The following UNC5D variants were observed in gnomAD, a reference collection of about 807,000 sequenced individuals.
UNC5D encodes the protein unc-5 netrin receptor D.
Under a neutral mutation model 105.4 loss-of-function variants are expected in UNC5D, and 39 were observed. That is an observed-to-expected ratio of 0.37 (90% CI 0.29 to 0.48). The LOEUF is 0.48. UNC5D is among the 20% of genes least tolerant of loss of function. The pLI, the probability that UNC5D is intolerant of heterozygous loss-of-function variation, is 0.98. For synonymous variants in UNC5D, 452 were observed against 450.4 expected, an observed-to-expected ratio of 1.00 and a Z score of -0.04; for missense variants, 991 against 1,202.4, an observed-to-expected ratio of 0.82 and a Z score of 2.60.
rs192331175 is a variant in UNC5D at position 35,437,579 on chromosome 8, A to G, written c.104-111713A>G. Reference sequence around the variant, plus strand: ...CAACCAACATTTATATACATGAATGATATTTTATTGGCTTCCTATAAAATC... The same window carrying G: ...CAACCAACATTTATATACATGAATGGTATTTTATTGGCTTCCTATAAAATC... On this transcript the variant is annotated intron_variant, in intron 1 of 16. Transcript: ENST00000404895. Among the ~76,000 whole-genome samples the G allele has an allele frequency of 1.1e-4, 17 of 152,204 alleles. 1 individual carries two copies. The East Asian group carries it at 1.9e-3, about 17-fold the overall frequency.
chr8:35,404,610 C>T (rs758295300), intron 1 of UNC5D, among the ~76,000 whole-genome samples: 75 of 151,902 alleles, frequency 4.9e-4, no homozygotes, highest in East Asian at 9.7e-4. Context: ...TTTCTTGAGA[C>T]GGAGTCTCGC....
chr8:35,323,566 G>T (rs1170218750), intron 1 of UNC5D, among the ~76,000 whole-genome samples: 2 of 151,998 alleles, frequency 1.3e-5, no homozygotes, highest in East Asian at 3.9e-4. Flanking sequence ...ATTGTGATAG[G>T]CAATAGAAAT....
intron 1 of UNC5D, among the ~76,000 whole-genome samples, chr8:35,379,716 A>G (rs1429017223): frequency 6.6e-6 from 1 of 152,072 alleles, no homozygotes; most frequent in Non-Finnish European, 1.5e-5. Flanking sequence ...CTGTGACTTA[A>G]TGAGGGGAAA....
intron 1 of UNC5D, among the ~76,000 whole-genome samples, chr8:35,306,500 AAG>A (rs943179554): frequency 8.9e-4 from 135 of 152,240 alleles, no homozygotes; most frequent in African/African-American, 3.1e-3. Context: ...TTTACAGAAA[AAG>A]AGAGTGAACA....
At chr8:35,424,290 G>T (rs1554527842) in intron 1 of UNC5D, among the ~76,000 whole-genome samples, 1 of 152,116 alleles carries the variant, frequency 6.6e-6, no homozygotes, top group Non-Finnish European at 1.5e-5. Context: ...AGGAATGAGA[G>T]AAATTAATTT....
intron 1 of UNC5D, among the ~76,000 whole-genome samples, chr8:35,269,724 T>C (rs1805144566): frequency 6.6e-6 from 1 of 152,190 alleles, no homozygotes; most frequent in Admixed American, 6.5e-5. Flanking sequence ...GGGTATGAGA[T>C]GCTGTCATCA....
intron 2 of UNC5D, among the ~76,000 whole-genome samples, chr8:35,551,502 A>G (rs1816136168): frequency 6.6e-6 from 1 of 152,126 alleles, no homozygotes; most frequent in South Asian, 2.1e-4. Flanking sequence ...AGACAGGGAT[A>G]GGAGTATCAG....
chr8:35,692,696 G>A (rs1304384554), intron 7 of UNC5D, among the ~76,000 whole-genome samples: 2 of 152,292 alleles, frequency 1.3e-5, no homozygotes, highest in Admixed American at 1.3e-4. Context: ...TGATAGCGTA[G>A]TTAAACTCTC....
chr8:35,500,723 G>T (rs893414794), intron 1 of UNC5D, among the ~76,000 whole-genome samples: 2 of 152,160 alleles, frequency 1.3e-5, no homozygotes, highest in African/African-American at 4.8e-5. Context: ...TTAGCACAGA[G>T]CCTTGTATAT....
At chr8:35,593,167 A>AG (rs1453175771) in intron 3 of UNC5D, among the ~76,000 whole-genome samples, 1 of 152,076 alleles carries the variant, frequency 6.6e-6, no homozygotes, top group Admixed American at 6.6e-5. Flanking sequence ...TGGAATGGGG[A>AG]GAAAAAAAAT....
At chr8:35,271,608 ATATAT>A in intron 1 of UNC5D, among the ~76,000 whole-genome samples, 1 of 145,592 alleles carries the variant, frequency 6.9e-6, no homozygotes, top group East Asian at 2.1e-4. Context: ...TACATGTATT[ATATAT>A]TATATTACAT....
chr8:35,683,558 GA>G lies in UNC5D; in HGVS notation c.587del (p.Asn196MetfsTer21). ...CTTTCTTCCTGTAGGTGGAATGGCT[GA>G]AAAATGAAGAGCCCATTGACTCTGA... ...GVPAAEVEWL[K>X]NEEPIDSEQD... is the part of the protein sequence containing the mutation. On this transcript the variant is annotated frameshift_variant, in exon 5 of 17. Coordinates refer to ENST00000404895, the MANE Select transcript of UNC5D (RefSeq NM_080872.4). LOFTEE classifies it high-confidence loss of function. 1.9e-6 allele frequency: 3 copies of G among 1,556,726 alleles called. No homozygotes were observed. The highest frequency in any genetic ancestry group is 2.2e-5 in the Admixed American group (1 of 45,918).
intron 14 of UNC5D, among the ~76,000 whole-genome samples, chr8:35,763,234 G>A (rs1031841454): frequency 3.9e-5 from 6 of 152,096 alleles, no homozygotes; most frequent in Non-Finnish European, 7.4e-5. Flanking sequence ...TTTTTAAAAT[G>A]TTTGGATTGT....
At chr8:35,326,911 T>C (rs1162524002) in intron 1 of UNC5D, among the ~76,000 whole-genome samples, 1 of 152,092 alleles carries the variant, frequency 6.6e-6, no homozygotes, top group South Asian at 2.1e-4. Context: ...CATATGTGTA[T>C]TGGATACAAA....
intron 16 of UNC5D, among the ~76,000 whole-genome samples, chr8:35,776,900 C>CAA (rs1802272318): frequency 1.3e-5 from 2 of 152,070 alleles, no homozygotes; most frequent in African/African-American, 4.8e-5. Context: ...CTTGAGGCCA[C>CAA]AAGTTCGAGG....
chr8:35,743,490 C>T (rs1213154231), intron 11 of UNC5D, among the ~76,000 whole-genome samples: 2 of 151,788 alleles, frequency 1.3e-5, no homozygotes, highest in East Asian at 3.9e-4. Context: ...GTTGGCCAGG[C>T]TGGTCTTGAA....
intron 1 of UNC5D, among the ~76,000 whole-genome samples, chr8:35,466,897 G>A (rs1209462063): frequency 4.6e-5 from 7 of 152,138 alleles, no homozygotes; most frequent in Non-Finnish European, 4.4e-5. Context: ...GTTGTATTAC[G>A]TAGCATATTT....
At chr8:35,650,893 A>T (rs1355259673) in intron 4 of UNC5D, among the ~76,000 whole-genome samples, 2 of 152,184 alleles carry the variant, frequency 1.3e-5, no homozygotes, top group South Asian at 2.1e-4. Flanking sequence ...TGAGAATGAG[A>T]TACCTTGTTA....
intron 1 of UNC5D, among the ~76,000 whole-genome samples, chr8:35,535,169 G>T (rs547040646): frequency 6.6e-6 from 1 of 152,254 alleles, no homozygotes; most frequent in African/African-American, 2.4e-5. Context: ...TCAACCTATT[G>T]ATGATAAATA....
Sources: allele counts gnomAD v4.1 joint callset (sites outside exome capture counted in the v4.1 genomes callset), GRCh38; gene constraint gnomAD v4.1.1; transcripts MANE v1.5; gene names NCBI Gene and HGNC (gene_info 2026-07-23, HGNC 2026-07-21).